Variants in CORO2A observed in about 807,000 individuals in gnomAD.
CORO2A encodes coronin 2A.
CORO2A carries 47 observed loss-of-function variants against 62.4 expected under a neutral mutation model. The observed-to-expected ratio is 0.75, with a 90% CI of 0.60 to 0.96. CORO2A has a LOEUF of 0.96. Ranked by LOEUF, CORO2A falls within the 40% of genes least tolerant of loss-of-function variation. The probability of loss-of-function intolerance (pLI) is 0.00; values close to 1 mark genes in which losing one functional copy is unlikely to be tolerated. For missense variants in CORO2A, 610 were observed against 684.1 expected, an observed-to-expected ratio of 0.89 and a Z score of 1.21; for synonymous variants, 273 against 268.9, an observed-to-expected ratio of 1.02 and a Z score of -0.15.
chr9:98,189,483 G>A (rs1017414224), intron 1 of CORO2A, among the ~76,000 whole-genome samples: 2 of 152,162 alleles, frequency 1.3e-5, no homozygotes, highest in African/African-American at 4.8e-5. Flanking sequence ...CCTCGGTGGG[G>A]AGCTAGCTAC....
At chr9:98,145,202 G>A (rs1564205881) in intron 2 of CORO2A, among the ~76,000 whole-genome samples, 1 of 152,150 alleles carries the variant, frequency 6.6e-6, no homozygotes, top group Non-Finnish European at 1.5e-5. Context: ...GTGGGGACAG[G>A]GAGCTCACTT....
intron 1 of CORO2A, among the ~76,000 whole-genome samples, chr9:98,173,390 C>T (rs186144798): frequency 9.9e-5 from 15 of 152,254 alleles, no homozygotes; most frequent in African/African-American, 1.9e-4. Context: ...TGAGTGTGGC[C>T]GGGGCACTCT....
intron 1 of CORO2A, among the ~76,000 whole-genome samples, chr9:98,177,453 C>CTTTTTT (rs944344622): frequency 8.2e-6 from 1 of 121,788 alleles, no homozygotes; most frequent in African/African-American, 3.7e-5. Context: ...GGGCTCCAAA[C>CTTTTTT]TTTGTTTTTT....
At chr9:98,162,924 G>C (rs930106029) in intron 1 of CORO2A, among the ~76,000 whole-genome samples, 1 of 152,190 alleles carries the variant, frequency 6.6e-6, no homozygotes, top group Non-Finnish European at 1.5e-5. Context: ...CAGCCGATTC[G>C]AGCCAGGTCT....
At chr9:98,173,132 G>A (rs1285178989) in intron 1 of CORO2A, among the ~76,000 whole-genome samples, 1 of 152,174 alleles carries the variant, frequency 6.6e-6, no homozygotes, top group African/African-American at 2.4e-5. Flanking sequence ...CAGTGATTCT[G>A]TCTCTACAAA....
chr9:98,133,768 A>C (rs939930016), intron 4 of CORO2A, among the ~76,000 whole-genome samples: 1 of 151,628 alleles, frequency 6.6e-6, no homozygotes, highest in Non-Finnish European at 1.5e-5. Flanking sequence ...CAACAATTTT[A>C]GTTATTTATT....
chr9:98,137,552 C>T lies in CORO2A; in HGVS notation c.318+20G>A. On this transcript the variant is annotated intron_variant, in intron 3 of 11. Coordinates refer to ENST00000375077, the MANE Select transcript of CORO2A (RefSeq NM_052820.4). Reference sequence around the variant, plus strand: ...TCCCACTCTTCAGGAAGGGGAAGCCCCTCAGGGGCTGACACTCACTGTGGC... The same window carrying T: ...TCCCACTCTTCAGGAAGGGGAAGCCTCTCAGGGGCTGACACTCACTGTGGC... The T allele has an allele frequency of 1.3e-6, 2 of 1,598,794 alleles. No individual in the cohort carries two copies. The highest frequency in any genetic ancestry group is 1.7e-6 in the Non-Finnish European group (2 of 1,166,380).
intron 1 of CORO2A, among the ~76,000 whole-genome samples, chr9:98,171,545 C>T (rs4743179): frequency 0.13 from 20,208 of 152,204 alleles, 1,683 homozygotes; most frequent in East Asian, 0.26. Flanking sequence ...AATTCAGGGT[C>T]ATCAGGGCTA....
chr9:98,187,638 TCTCTGGGGC>T (rs1386969779), intron 1 of CORO2A, among the ~76,000 whole-genome samples: 1 of 152,088 alleles, frequency 6.6e-6, no homozygotes, highest in East Asian at 1.9e-4. Flanking sequence ...GGTGAGGGTC[TCTCTGGGGC>T]CTCTTTTATA....
chr9:98,173,145 A>C (rs1828061680), intron 1 of CORO2A, among the ~76,000 whole-genome samples: 1 of 152,084 alleles, frequency 6.6e-6, no homozygotes, highest in Non-Finnish European at 1.5e-5. Context: ...TCTACAAAAA[A>C]CAAACAAACA....
In CORO2A at chr9:98,155,708, T is replaced by C. The variant is rs1185681248; in HGVS notation, c.201+1752A>G. Among the ~76,000 whole-genome samples, 10 of 152,200 alleles carry C rather than the reference T, an allele frequency of 6.6e-5. 1 individual carries two copies. ...TTAAAGAACTATTCAGGCTTTCTAT[T>C]TCTACATAAATCAGTATTGACAAGT... On this transcript the variant is annotated intron_variant, in intron 2 of 11. Coordinates refer to ENST00000375077, the MANE Select transcript of CORO2A (RefSeq NM_052820.4).
intron 3 of CORO2A, among the ~76,000 whole-genome samples, chr9:98,136,271 G>A (rs1016219315): frequency 6.6e-6 from 1 of 152,218 alleles, no homozygotes. Context: ...TGGGGACAGG[G>A]CCAATTCTCA....
chr9:98,131,330 C>G (rs1048945583), intron 6 of CORO2A, among the ~76,000 whole-genome samples: 2 of 145,468 alleles, frequency 1.4e-5, no homozygotes, highest in African/African-American at 5.1e-5. Flanking sequence ...TAACAAATCA[C>G]TTTTTTTTTT....
intron 5 of CORO2A, among the ~76,000 whole-genome samples, chr9:98,132,819 A>C (rs1587992686): frequency 1.3e-5 from 2 of 152,314 alleles, no homozygotes; most frequent in South Asian, 4.2e-4. Context: ...CATGGGGGTG[A>C]GTCATTTCAT....
chr9:98,125,858 C>G (rs781754244), intron 11 of CORO2A, among the ~76,000 whole-genome samples: 1 of 151,336 alleles, frequency 6.6e-6, no homozygotes, highest in Non-Finnish European at 1.5e-5. Context: ...GCTGGGACTA[C>G]AGGCACGCAC....
chr9:98,156,204 T>C (rs758660815), intron 2 of CORO2A, among the ~76,000 whole-genome samples: 95 of 152,028 alleles, frequency 6.2e-4, no homozygotes, highest in Non-Finnish European at 1.2e-3. Flanking sequence ...CATGCCCAGT[T>C]AATTTTTGTA....
At chr9:98,171,810 G>A (rs1828040244) in intron 1 of CORO2A, among the ~76,000 whole-genome samples, 1 of 152,044 alleles carries the variant, frequency 6.6e-6, no homozygotes. Context: ...TGGGGCTGCC[G>A]CTGGGAGAGG....
At chr9:98,134,684 C>T in intron 4 of CORO2A, 122 bp downstream of exon 4, 1 of 1,175,938 alleles carries the variant, frequency 8.5e-7, no homozygotes, top group Non-Finnish European at 1.2e-6. Context: ...AGGGAGCTGG[C>T]TCTCCCAACA....
intron 1 of CORO2A, among the ~76,000 whole-genome samples, chr9:98,178,417 T>C (rs1335101742): frequency 1.3e-5 from 2 of 152,254 alleles, no homozygotes; most frequent in Admixed American, 6.5e-5. Context: ...AATTTTTCAG[T>C]ACGAATCTTT....
Sources: allele counts gnomAD v4.1 joint callset (sites outside exome capture counted in the v4.1 genomes callset), GRCh38; gene constraint gnomAD v4.1.1; transcripts MANE v1.5; gene names NCBI Gene and HGNC (gene_info 2026-07-23, HGNC 2026-07-21).